PTPRN2: variants seen among roughly 807,000 people sequenced by gnomAD.
The protein encoded by PTPRN2 is receptor-type tyrosine-protein phosphatase N2.
A neutral mutation model predicts 118.8 loss-of-function variants in PTPRN2; 74 were observed. The ratio of observed to expected loss-of-function variants is 0.62; its 90% CI spans 0.52 to 0.76. The LOEUF (loss-of-function observed/expected upper bound fraction) is 0.76, where lower values mean the gene tolerates loss of function less well. Among genes scored for constraint, PTPRN2 ranks in the 30% least tolerant of loss-of-function variants. PTPRN2 has a pLI of 0.00. For missense variants in PTPRN2, 1,481 were observed against 1,394.4 expected (o/e 1.06, Z -0.99); for synonymous variants, 641 against 608.0 (o/e 1.05, Z -0.80).
At chr7:158,006,033 C>T (rs1329757362) in intron 11 of PTPRN2, among the ~76,000 whole-genome samples, 1 of 152,222 alleles carries the variant, frequency 6.6e-6, no homozygotes, top group Non-Finnish European at 1.5e-5. Flanking sequence ...GCAGCAGCCA[C>T]TGCCCAAATA....
chr7:158,149,132 C>G (rs1207357733), intron 6 of PTPRN2, among the ~76,000 whole-genome samples: 6 of 150,852 alleles, frequency 4.0e-5, no homozygotes, highest in African/African-American at 9.7e-5. Context: ...GACACCCCAT[C>G]TCACGCCACG....
At chr7:158,518,754 AC>A (rs1201222046) in intron 1 of PTPRN2, among the ~76,000 whole-genome samples, 1 of 152,034 alleles carries the variant, frequency 6.6e-6, no homozygotes, top group East Asian at 1.9e-4. Context: ...GGAGGCTGAA[AC>A]AGGTGAATTG....
Position 158,138,592 on chromosome 7 carries a change from G to A in PTPRN2, c.911-77C>T, listed in dbSNP as rs562803171. 3.4e-5 allele frequency: 48 copies of A among 1,399,930 alleles called. No homozygotes were observed. The African/African-American group carries it at 4.7e-4, about 14-fold the overall frequency. The allele number at this position is 1,399,930 out of a possible 1,614,324, so 86.7% of individuals were successfully genotyped here. ...GTGAGGGCCTCCAGACCATAGGGGT[G>A]TGGTGGGCGTCTGCGGCGTCCCAAG... On this transcript the variant is annotated intron_variant, in intron 6 of 22. Transcript: ENST00000389418.
chr7:157,751,241 G>A (rs1801446472), intron 12 of PTPRN2, among the ~76,000 whole-genome samples: 1 of 152,188 alleles, frequency 6.6e-6, no homozygotes, highest in Admixed American at 6.5e-5. Context: ...GGGGCACAAG[G>A]CAATATCCCG....
chr7:158,577,096 T>C (rs921161920), intron 1 of PTPRN2, among the ~76,000 whole-genome samples: 1 of 137,092 alleles, frequency 7.3e-6, no homozygotes, highest in Admixed American at 7.1e-5. Flanking sequence ...ACAGACAGCA[T>C]GGGGCCTACA....
intron 9 of PTPRN2, among the ~76,000 whole-genome samples, chr7:158,116,392 T>C (rs1176579323): frequency 6.6e-6 from 1 of 152,222 alleles, no homozygotes; most frequent in Non-Finnish European, 1.5e-5. Context: ...TGAAGCCTAA[T>C]GAAGGCCTCC....
chr7:158,268,813 G>A lies in PTPRN2; in HGVS notation c.277+48006C>T, dbSNP rs577945206. Among the ~76,000 whole-genome samples, 120 of 135,834 alleles carry A rather than the reference G, an allele frequency of 8.8e-4. 4 individuals are homozygous for A. Among genetic ancestry groups the A allele is most frequent in the Non-Finnish European group, 1.1e-3 (74 of 64,604 alleles). The allele number at this position is 135,834 out of a possible 152,430, so 89.1% of individuals were successfully genotyped here. On this transcript the variant is annotated intron_variant, in intron 3 of 22. Coordinates refer to ENST00000389418, the MANE Select transcript of PTPRN2 (RefSeq NM_002847.5). ...CACAGGGCGGGTGTGAAATATCCCA[G>A]CCGCACGCACACAGGGTGGGTGTGA...
chr7:157,571,617 C>T lies in PTPRN2; in HGVS notation c.2784-124G>A, dbSNP rs191923692. 477 of 643,992 alleles carry T rather than the reference C, an allele frequency of 7.4e-4. 1 individual carries two copies. In the African/African-American group the frequency reaches 7.8e-3, roughly 10 times the overall value. 39.9% of individuals were successfully genotyped at this position (643,992 alleles called of 1,614,324 possible). A position where few individuals can be genotyped will look rare whatever the true frequency, so the allele number is the denominator to read the frequency against. On this transcript the variant is annotated intron_variant, in intron 19 of 22. Transcript: ENST00000389418. ...ATCATTTTGCAATCGCTTGTTTTGA[C>T]GGAGAAAATAAAAATCATACGCATA...
intron 12 of PTPRN2, among the ~76,000 whole-genome samples, chr7:157,821,073 C>G (rs983266603): frequency 6.6e-6 from 1 of 152,202 alleles, no homozygotes; most frequent in East Asian, 1.9e-4. Context: ...GCTTGTGTGA[C>G]CCCAAGGCAG....
rs1343722493 is a variant in PTPRN2 at position 158,336,924 on chromosome 7, C to T, written c.164-19992G>A. ...CACCATAAGATCCGACGCCCGCAGA[C>T]GTCACTCACACCCACACTCGTCACT... On this transcript the variant is annotated intron_variant, in intron 2 of 22. Transcript: ENST00000389418. Among the ~76,000 whole-genome samples, 5 of 103,018 alleles carry T rather than the reference C, an allele frequency of 4.9e-5. 1 individual carries two copies. Among genetic ancestry groups the T allele is most frequent in the Admixed American group, 1.9e-4 (2 of 10,650 alleles). The allele number at this position is 103,018 out of a possible 152,430, so 67.6% of individuals were successfully genotyped here.
At chr7:157,919,886 T>A (rs1273596720) in intron 11 of PTPRN2, among the ~76,000 whole-genome samples, 1 of 152,202 alleles carries the variant, frequency 6.6e-6, no homozygotes, top group East Asian at 1.9e-4. Context: ...GTCACAGCCA[T>A]CGTAAAGCCA....
chr7:158,445,039 A>T (rs901136543), intron 2 of PTPRN2, among the ~76,000 whole-genome samples: 1 of 152,122 alleles, frequency 6.6e-6, no homozygotes, highest in African/African-American at 2.4e-5. Flanking sequence ...ACTTCTCCCC[A>T]AAAGGGCCTG....
At chr7:158,020,965 G>A (rs1585215759) in intron 11 of PTPRN2, among the ~76,000 whole-genome samples, 1 of 152,270 alleles carries the variant, frequency 6.6e-6, no homozygotes, top group South Asian at 2.1e-4. Flanking sequence ...CATCGGGTCA[G>A]ACGGTTTTTG....
At chr7:158,034,688 AT>A (rs1445960704) in intron 11 of PTPRN2, among the ~76,000 whole-genome samples, 2 of 152,236 alleles carry the variant, frequency 1.3e-5, no homozygotes, top group African/African-American at 4.8e-5. Context: ...CTAGGCCAAG[AT>A]CTGGAAATCA....
intron 11 of PTPRN2, among the ~76,000 whole-genome samples, chr7:158,035,860 C>T (rs1230246608): frequency 6.6e-6 from 1 of 152,136 alleles, no homozygotes. Flanking sequence ...ACATCAAAGA[C>T]AAGCATGTAA....
chr7:157,707,234 G>A (rs1285108968), intron 12 of PTPRN2, among the ~76,000 whole-genome samples: 9 of 150,956 alleles, frequency 6.0e-5, no homozygotes, highest in Admixed American at 4.0e-4. Context: ...CAAGTACCTC[G>A]CACACACATA....
intron 3 of PTPRN2, among the ~76,000 whole-genome samples, chr7:158,247,778 G>C (rs1231081634): frequency 6.6e-6 from 1 of 152,082 alleles, no homozygotes; most frequent in African/African-American, 2.4e-5. Context: ...CACCATGCCT[G>C]GGTAACTTTG....
At chr7:158,537,543 G>A (rs1237637544) in intron 1 of PTPRN2, 2 of 152,408 alleles carry the variant, frequency 1.3e-5, no homozygotes, top group African/African-American at 4.8e-5. Context: ...TCAGAACAGG[G>A]AAAAGGTGCT....
intron 3 of PTPRN2, among the ~76,000 whole-genome samples, chr7:158,213,290 C>A (rs1827740917): frequency 6.6e-6 from 1 of 150,496 alleles, no homozygotes; most frequent in Non-Finnish European, 1.5e-5. Context: ...ACCACATATT[C>A]TGGATGGAAT....
Sources: gnomAD v4.1 joint callset for allele counts (sites outside exome capture counted in the v4.1 genomes callset) on GRCh38, gnomAD v4.1.1 for gene constraint, MANE v1.5 for transcripts, NCBI Gene and HGNC (gene_info 2026-07-23, HGNC 2026-07-21) for gene names.